GPC5: variants seen among roughly 807,000 people sequenced by gnomAD.
The protein encoded by GPC5 is glypican 5.
A neutral mutation model predicts 53.9 loss-of-function variants in GPC5; 47 were observed. That is an observed-to-expected ratio of 0.87 (90% confidence interval 0.69 to 1.11). The LOEUF is 1.11. GPC5 is among the 50% of genes most tolerant of loss of function. GPC5 has a pLI of 0.00. For synonymous variants in GPC5, 286 were observed against 263.3 expected (o/e 1.09, Z -0.84); for missense variants, 748 against 713.1 (o/e 1.05, Z -0.56).
intron 2 of GPC5, among the ~76,000 whole-genome samples, chr13:91,682,083 A>G (rs1305982989): frequency 6.6e-6 from 1 of 152,188 alleles, no homozygotes; most frequent in Non-Finnish European, 1.5e-5. Context: ...TCAGGGTTCA[A>G]ATCCAGGCTC....
chr13:92,156,699 T>C (rs2041947410), intron 7 of GPC5, among the ~76,000 whole-genome samples: 2 of 152,300 alleles, frequency 1.3e-5, no homozygotes, highest in Admixed American at 6.5e-5. Context: ...CCCAAAGCTA[T>C]GTTGCAACCA....
chr13:92,696,116 G>T (rs987947896), intron 7 of GPC5, among the ~76,000 whole-genome samples: 2 of 152,090 alleles, frequency 1.3e-5, no homozygotes, highest in East Asian at 3.8e-4. Flanking sequence ...ATTTGGGTTG[G>T]TTCCAAGTCT....
chr13:91,584,024 G>A (rs1286541021), intron 2 of GPC5, among the ~76,000 whole-genome samples: 3 of 152,108 alleles, frequency 2.0e-5, no homozygotes, highest in African/African-American at 7.2e-5. Context: ...GCCATCAAGA[G>A]GCCCAAATCT....
At chr13:91,527,618 C>T (rs1886149372) in intron 2 of GPC5, among the ~76,000 whole-genome samples, 1 of 152,348 alleles carries the variant, frequency 6.6e-6, no homozygotes, top group Non-Finnish European at 1.5e-5. Flanking sequence ...AAGCAGTACC[C>T]CATTAGGGAC....
At chr13:92,748,941 A>T (rs72641082) in intron 7 of GPC5, among the ~76,000 whole-genome samples, 32 of 152,328 alleles carry the variant, frequency 2.1e-4, no homozygotes, top group Non-Finnish European at 4.3e-4. Context: ...TGAAATTGTG[A>T]ATACCACTTT....
intron 6 of GPC5, among the ~76,000 whole-genome samples, chr13:92,086,315 T>G (rs1483100013): frequency 6.6e-6 from 1 of 152,172 alleles, no homozygotes; most frequent in African/African-American, 2.4e-5. Flanking sequence ...CCATCAGATG[T>G]TTTTCCCCCT....
intron 7 of GPC5, among the ~76,000 whole-genome samples, chr13:92,269,039 C>G (rs575368690): frequency 7.2e-5 from 11 of 152,120 alleles, no homozygotes; most frequent in Non-Finnish European, 1.6e-4. Flanking sequence ...TGTTTATACT[C>G]TTCAAATGCT....
At chr13:92,654,666 A>T (rs1189862406) in intron 7 of GPC5, among the ~76,000 whole-genome samples, 3 of 152,066 alleles carry the variant, frequency 2.0e-5, no homozygotes, top group Admixed American at 6.5e-5. Flanking sequence ...GACAAACATG[A>T]TTCATTGAAA....
At chr13:92,469,699 A>C (rs991262808) in intron 7 of GPC5, among the ~76,000 whole-genome samples, 1 of 152,100 alleles carries the variant, frequency 6.6e-6, no homozygotes, top group Non-Finnish European at 1.5e-5. Context: ...ACTTCTTGTA[A>C]CTTCTATGTT....
chr13:91,732,303 CAT>C (rs536897651), intron 4 of GPC5, among the ~76,000 whole-genome samples: 82 of 151,112 alleles, frequency 5.4e-4, no homozygotes, highest in Non-Finnish European at 8.3e-4. Flanking sequence ...AGGTTTTTTT[CAT>C]ATGTTTGTTG....
rs1436490473 is a variant in GPC5 at position 92,867,156 on chromosome 13, C to G, written c.*717C>G. The G allele has an allele frequency of 6.6e-6, 1 of 152,034 alleles. No individual in the cohort carries two copies. The highest frequency in any genetic ancestry group is 2.4e-5 in the African/African-American group (1 of 41,420). 9.4% of individuals were successfully genotyped at this position (152,034 alleles called of 1,614,324 possible). ...CCTCTGCTCCCATCTCTCTCTTTGCCTCATAGATTTAGCTATGTTGGGAAG... is the reference window on the plus strand; with the variant it reads ...CCTCTGCTCCCATCTCTCTCTTTGCGTCATAGATTTAGCTATGTTGGGAAG... On this transcript the variant is annotated 3_prime_UTR_variant, in exon 8 of 8. Coordinates refer to ENST00000377067, the MANE Select transcript of GPC5 (RefSeq NM_004466.6).
At chr13:92,057,305 C>CA (rs752020523) in intron 6 of GPC5, among the ~76,000 whole-genome samples, 1 of 96,868 alleles carries the variant, frequency 1.0e-5, no homozygotes, top group South Asian at 4.1e-4. Context: ...AAACAAAAAA[C>CA]AAAAAACAAA....
chr13:92,445,795 T>G (rs1877795728), intron 7 of GPC5, among the ~76,000 whole-genome samples: 1 of 152,110 alleles, frequency 6.6e-6, no homozygotes, highest in Non-Finnish European at 1.5e-5. Context: ...TGTGTCTTTA[T>G]AGCAGCATGA....
chr13:92,585,625 CTT>C (rs755610544), intron 7 of GPC5, among the ~76,000 whole-genome samples: 55 of 152,204 alleles, frequency 3.6e-4, no homozygotes, highest in Non-Finnish European at 6.3e-4. Context: ...GCATGATTGA[CTT>C]TGAAATGTGA....
chr13:92,605,969 A>T (rs1200617152), intron 7 of GPC5, among the ~76,000 whole-genome samples: 1 of 152,200 alleles, frequency 6.6e-6, no homozygotes, highest in Non-Finnish European at 1.5e-5. Context: ...TAATTCAAGA[A>T]GGAAGAAGTT....
intron 7 of GPC5, among the ~76,000 whole-genome samples, chr13:92,622,969 T>A (rs923997344): frequency 6.6e-6 from 1 of 152,078 alleles, no homozygotes; most frequent in African/African-American, 2.4e-5. Flanking sequence ...AATGAAATGT[T>A]CAGGCAGGAA....
At chr13:91,528,784 C>G (rs1341687603) in intron 2 of GPC5, among the ~76,000 whole-genome samples, 1 of 152,128 alleles carries the variant, frequency 6.6e-6, no homozygotes. Context: ...AGGAAACTTA[C>G]AATCATGGTG....
intron 7 of GPC5, among the ~76,000 whole-genome samples, chr13:92,582,533 A>T (rs1423766731): frequency 1.2e-4 from 18 of 152,108 alleles, no homozygotes; most frequent in Non-Finnish European, 2.2e-4. Flanking sequence ...TATTTCTATA[A>T]AAAATATCAT....
chr13:92,217,548 C>T (rs750085864), intron 7 of GPC5, among the ~76,000 whole-genome samples: 3 of 152,122 alleles, frequency 2.0e-5, no homozygotes, highest in Non-Finnish European at 4.4e-5. Flanking sequence ...GTCCCATCTC[C>T]AATCTGTGGC....
Sources: allele counts gnomAD v4.1 joint callset (sites outside exome capture counted in the v4.1 genomes callset), GRCh38; gene constraint gnomAD v4.1.1; transcripts MANE v1.5; gene names NCBI Gene and HGNC (gene_info 2026-07-23, HGNC 2026-07-21).